PLXNA2: variants seen among roughly 807,000 people sequenced by gnomAD.
The protein encoded by PLXNA2 is plexin A2.
PLXNA2 carries 91 observed loss-of-function variants against 193.5 expected under a neutral mutation model. The ratio of observed to expected loss-of-function variants is 0.47; its 90% CI spans 0.40 to 0.56. The LOEUF (loss-of-function observed/expected upper bound fraction) is 0.56. PLXNA2 is among the 20% of genes least tolerant of loss of function. PLXNA2 has a pLI of 0.00. For synonymous variants in PLXNA2, 997 were observed against 1,027.3 expected (o/e 0.97, Z 0.56); for missense variants, 1,995 against 2,503.2 (o/e 0.80, Z 4.33).
intron 1 of PLXNA2, among the ~76,000 whole-genome samples, chr1:208,232,965 C>T (rs1488102383): frequency 6.6e-6 from 1 of 152,170 alleles, no homozygotes; most frequent in African/African-American, 2.4e-5. Flanking sequence ...GGGTGGAGAC[C>T]TCAGCTATCA....
intron 3 of PLXNA2, among the ~76,000 whole-genome samples, chr1:208,165,580 C>T (rs765296015): frequency 2.6e-5 from 4 of 152,256 alleles, no homozygotes; most frequent in East Asian, 1.9e-4. Context: ...AAAACAACAA[C>T]GGGGCAGCTT....
At chr1:208,116,154 G>A (rs1667634045) in intron 4 of PLXNA2, among the ~76,000 whole-genome samples, 1 of 152,154 alleles carries the variant, frequency 6.6e-6, no homozygotes, top group East Asian at 1.9e-4. Flanking sequence ...TCCCGCTCAT[G>A]TGCAAATCCC....
At chr1:208,170,876 C>T (rs1048256723) in intron 3 of PLXNA2, among the ~76,000 whole-genome samples, 5 of 152,140 alleles carry the variant, frequency 3.3e-5, no homozygotes, top group Non-Finnish European at 5.9e-5. Flanking sequence ...TCCTTGCTCT[C>T]AAGAATCCTA....
chr1:208,096,767 A>G lies in PLXNA2; in HGVS notation c.1848T>C (p.Pro616=). ...VSGSQVICIS[P]GPKDVPVIPL... The stretch of plus-strand genomic sequence containing the variant: ...GGATGACAGGGACATCCTTGGGCCC[A>G]GGTGAGATGCAGATGACCTGGCTCC... Residue 616 remains proline (P), a synonymous_variant, in exon 7 of 32, where the codon CCT becomes CCC. Coordinates refer to ENST00000367033, the MANE Select transcript of PLXNA2 (RefSeq NM_025179.4). The G allele has an allele frequency of 6.2e-7, 1 of 1,614,116 alleles. No homozygotes were observed. Among genetic ancestry groups the G allele is most frequent in the Non-Finnish European group, 8.5e-7 (1 of 1,180,020 alleles).
intron 9 of PLXNA2, among the ~76,000 whole-genome samples, chr1:208,087,261 G>T (rs1332446000): frequency 2.0e-5 from 3 of 152,104 alleles, no homozygotes; most frequent in Non-Finnish European, 4.4e-5. Context: ...TAGATGTTAT[G>T]TGTAATACCT....
chr1:208,032,704 G>A (rs1220378818), intron 28 of PLXNA2, among the ~76,000 whole-genome samples: 2 of 152,166 alleles, frequency 1.3e-5, no homozygotes, highest in Non-Finnish European at 1.5e-5. Flanking sequence ...AACATTTGGG[G>A]GTAGCTGGGG....
chr1:208,141,318 G>A (rs895171878), intron 4 of PLXNA2, among the ~76,000 whole-genome samples: 1 of 152,158 alleles, frequency 6.6e-6, no homozygotes, highest in African/African-American at 2.4e-5. Flanking sequence ...GAGGTAAGGA[G>A]AGCTCTGGAA....
At chr1:208,173,209 A>T (rs1303407309) in intron 3 of PLXNA2, among the ~76,000 whole-genome samples, 1 of 152,242 alleles carries the variant, frequency 6.6e-6, no homozygotes, top group Non-Finnish European at 1.5e-5. Flanking sequence ...TACTTGGAAC[A>T]GTAGATGGCA....
At chr1:208,100,480 T>C (rs950649801) in intron 5 of PLXNA2, among the ~76,000 whole-genome samples, 39 of 152,112 alleles carry the variant, frequency 2.6e-4, no homozygotes, top group Non-Finnish European at 1.3e-4. Flanking sequence ...TGTTAGCCCT[T>C]ATAATATTAA....
chr1:208,034,762 G>C (rs569441545), intron 26 of PLXNA2, among the ~76,000 whole-genome samples, 170 bp from the exon 27 acceptor site: 8 of 152,318 alleles, frequency 5.3e-5, no homozygotes, highest in Admixed American at 2.6e-4. Context: ...TATTGGGTTA[G>C]AGCTGCATAA....
At chr1:208,073,916 T>A (rs1440646811) in intron 12 of PLXNA2, among the ~76,000 whole-genome samples, 2 of 152,144 alleles carry the variant, frequency 1.3e-5, no homozygotes, top group Non-Finnish European at 2.9e-5. Flanking sequence ...CTGGAACAGA[T>A]TCCCCCTCAC....
intron 8 of PLXNA2, among the ~76,000 whole-genome samples, chr1:208,093,781 C>T (rs1201727239): frequency 6.6e-6 from 1 of 152,170 alleles, no homozygotes; most frequent in Non-Finnish European, 1.5e-5. Context: ...CACCTGGAGA[C>T]TGTGTATATT....
At chr1:208,039,932 A>T (rs916354492) in intron 23 of PLXNA2, 60 bp downstream of exon 23, 39 of 1,590,414 alleles carry the variant, frequency 2.5e-5, no homozygotes, top group Non-Finnish European at 3.3e-5. Context: ...TGTGGCCAGG[A>T]TCTAAGCAGC....
At chr1:208,078,576 G>A (rs1666232943) in intron 12 of PLXNA2, among the ~76,000 whole-genome samples, 1 of 152,172 alleles carries the variant, frequency 6.6e-6, no homozygotes, top group Non-Finnish European at 1.5e-5. Context: ...GACAGTTATA[G>A]ACTAGGGAGC....
chr1:208,043,236 G>A, intron 20 of PLXNA2, 33 bp from the exon 21 acceptor site: 2 of 1,603,996 alleles, frequency 1.2e-6, no homozygotes, highest in Non-Finnish European at 1.7e-6. Context: ...AGGCTCGTGG[G>A]GAAGCCCCAG....
At chr1:208,093,228 AT>A (rs1274456431) in intron 8 of PLXNA2, among the ~76,000 whole-genome samples, 2 of 152,260 alleles carry the variant, frequency 1.3e-5, no homozygotes, top group Non-Finnish European at 2.9e-5. Flanking sequence ...GAAATCGGCC[AT>A]GGTGGAAATA....
chr1:208,072,999 C>A (rs757164593), intron 12 of PLXNA2, among the ~76,000 whole-genome samples: 1 of 152,156 alleles, frequency 6.6e-6, no homozygotes, highest in Non-Finnish European at 1.5e-5. Context: ...TGGAGGAAGT[C>A]GGCCTTCTGC....
chr1:208,189,930 C>T (rs901336200), intron 3 of PLXNA2, among the ~76,000 whole-genome samples: 9 of 152,112 alleles, frequency 5.9e-5, no homozygotes, highest in African/African-American at 2.2e-4. Flanking sequence ...ATTTCAGGAG[C>T]AGGAGAAATA....
rs181133780 is a variant in PLXNA2 at position 208,138,956 on chromosome 1, G to T, written c.1506+3373C>A. On this transcript the variant is annotated intron_variant, in intron 4 of 31. Coordinates refer to ENST00000367033, the MANE Select transcript of PLXNA2 (RefSeq NM_025179.4). ...GCAGAAGAATCGCTTTAACCCAGGA[G>T]GCGGAGGTTGCAGTGAGCCAAGGTC... Among the ~76,000 whole-genome samples, 163 of 152,340 alleles carry T rather than the reference G, an allele frequency of 1.1e-3. 1 individual carries two copies. The East Asian group carries it at 0.015, about 14-fold the overall frequency.
Sources: gnomAD v4.1 joint callset for allele counts (sites outside exome capture counted in the v4.1 genomes callset) on GRCh38, gnomAD v4.1.1 for gene constraint, MANE v1.5 for transcripts, NCBI Gene and HGNC (gene_info 2026-07-23, HGNC 2026-07-21) for gene names.